CLCN7: variants seen among roughly 807,000 people sequenced by gnomAD.
CLCN7 encodes the protein H(+)/Cl(-) exchange transporter 7.
Under a neutral mutation model 102.1 loss-of-function variants are expected in CLCN7, and 60 were observed. The ratio of observed to expected loss-of-function variants is 0.59; its 90% CI spans 0.48 to 0.73. The LOEUF is 0.73. Among genes scored for constraint, CLCN7 ranks in the 30% least tolerant of loss-of-function variants. The pLI, the probability that CLCN7 is intolerant of heterozygous loss-of-function variation, is 0.00. For synonymous variants in CLCN7, 560 were observed against 490.5 expected, an observed-to-expected ratio of 1.14 and a Z score of -1.87; for missense variants, 962 against 1,125.7, an observed-to-expected ratio of 0.85 and a Z score of 2.08.
Position 1,465,307 on chromosome 16 carries a change from T to C in CLCN7, c.173A>G (p.His58Arg), listed in dbSNP as rs538485246. The C allele has an allele frequency of 5.0e-6, 8 of 1,613,924 alleles. No homozygotes were observed. Among genetic ancestry groups the C allele is most frequent in the South Asian group, 2.2e-5 (2 of 91,018 alleles). The change falls in exon 2 of 25, where the codon CAT (histidine) becomes CGT (arginine). Residue 58 changes from histidine to arginine, a missense_variant. Coordinates refer to ENST00000382745, the MANE Select transcript of CLCN7 (RefSeq NM_001287.6). ...SPRSALFRVG[H>R]MSSVELDDEL... Reference sequence around the variant, plus strand: ...ATCATCCAGCTCCACGCTGCTCATATGTCCGACTCGGAAAAGCGCAGAACG... The same window carrying C: ...ATCATCCAGCTCCACGCTGCTCATACGTCCGACTCGGAAAAGCGCAGAACG...
At chr16:1,472,292 G>A (rs2039089161) in intron 1 of CLCN7, among the ~76,000 whole-genome samples, 1 of 152,192 alleles carries the variant, frequency 6.6e-6, no homozygotes, top group Non-Finnish European at 1.5e-5. Context: ...AGGCAATGGC[G>A]TGATCTCGGC....
chr16:1,447,462 G>A lies in CLCN7; in HGVS notation c.2180C>T (p.Ser727Phe), dbSNP rs2038667529. ...CATGGTGCACTCCCGCTCGTCCTGG[G>A]ACACGTGGATGGACTGGATGGGTGG... is the stretch of plus-strand genomic sequence containing the variant. ...RFPPIQSIHVSQDERECTMDL... is the reference protein window; with the variant it reads ...RFPPIQSIHVFQDERECTMDL... Residue 727 changes from serine to phenylalanine, a missense_variant, in exon 23 of 25, where the codon TCC becomes TTC. Transcript: ENST00000382745. 6.4e-7 allele frequency: 1 copy of A among 1,552,914 alleles called. No homozygotes were observed.
At chr16:1,450,186 A>G (rs866244288) in intron 17 of CLCN7, 15 of 436,330 alleles carry the variant, frequency 3.4e-5, no homozygotes, top group African/African-American at 2.4e-4. Context: ...TGGAGTCTAG[A>G]AACAGCTCTG....
At chr16:1,451,832 C>G (rs1041402184) in intron 15 of CLCN7, 116 bp from the exon 16 acceptor site, 18 of 784,006 alleles carry the variant, frequency 2.3e-5, no homozygotes, top group Non-Finnish European at 3.9e-5. Flanking sequence ...GCATCAGGCG[C>G]GAAACCACAC....
intron 2 of CLCN7, 94 bp from the exon 3 acceptor site, chr16:1,461,768 G>T: frequency 9.9e-7 from 1 of 1,014,704 alleles, no homozygotes; most frequent in African/African-American, 1.6e-5. Flanking sequence ...TTATCATCCC[G>T]ACACCAAGGA....
chr16:1,451,924 G>A (rs2038758055), intron 15 of CLCN7: 2 of 593,998 alleles, frequency 3.4e-6, no homozygotes, highest in Admixed American at 2.3e-5. Context: ...GGAGGGAAAG[G>A]AGGACACACA....
intron 3 of CLCN7, 25 bp downstream of exon 3, chr16:1,461,578 G>A: frequency 6.2e-7 from 1 of 1,612,628 alleles, no homozygotes; most frequent in Non-Finnish European, 8.5e-7. Context: ...GGGTCTCAGG[G>A]TCAGGGGGAC....
chr16:1,448,842 C>A, intron 19 of CLCN7, 76 bp from the exon 20 acceptor site: 1 of 1,595,876 alleles, frequency 6.3e-7, no homozygotes, highest in Non-Finnish European at 8.5e-7. Context: ...CCCTGGGAGC[C>A]CAGAGGCCGC....
At chr16:1,461,785 C>T in intron 2 of CLCN7, 111 bp from the exon 3 acceptor site, 2 of 938,520 alleles carry the variant, frequency 2.1e-6, no homozygotes, top group Non-Finnish European at 1.7e-6. Flanking sequence ...AGGACAAGGA[C>T]ACAGCAAGAG....
intron 1 of CLCN7, among the ~76,000 whole-genome samples, chr16:1,473,368 A>G (rs1368582133): frequency 1.6e-5 from 2 of 128,172 alleles, no homozygotes; most frequent in Non-Finnish European, 3.2e-5. Context: ...GTCCTTCCTA[A>G]ACTTTTTTTT....
intron 2 of CLCN7, among the ~76,000 whole-genome samples, chr16:1,463,814 A>AC (rs2038970377): frequency 6.6e-6 from 1 of 151,106 alleles, no homozygotes; most frequent in African/African-American, 2.4e-5. Flanking sequence ...TCACTCTGTC[A>AC]CCCAGGCTGA....
chr16:1,452,725 GC>G (rs1567267241), intron 15 of CLCN7, 29 bp downstream of exon 15: 2 of 1,567,070 alleles, frequency 1.3e-6, no homozygotes, highest in African/African-American at 2.7e-5. Context: ...TGCCCTGCCT[GC>G]TGGACCCCGC....
intron 2 of CLCN7, among the ~76,000 whole-genome samples, chr16:1,462,533 G>A (rs910848916): frequency 5.9e-5 from 9 of 151,302 alleles, no homozygotes; most frequent in African/African-American, 1.7e-4. Context: ...GCACCACCAC[G>A]CCTGGCTAAT....
intron 7 of CLCN7, 101 bp downstream of exon 7, chr16:1,459,006 G>A (rs950656415): frequency 1.0e-6 from 1 of 967,358 alleles, no homozygotes; most frequent in Non-Finnish European, 1.6e-6. Context: ...TACACAGGGT[G>A]GCTGAGGCCA....
chr16:1,448,494 G>A lies in CLCN7; in HGVS notation c.1884-10C>T, dbSNP rs753459440. 5.6e-6 allele frequency: 9 copies of A among 1,607,846 alleles called. No homozygotes were observed. The East Asian group carries it at 6.7e-5, about 12-fold the overall frequency. Reference sequence around the variant, plus strand: ...TGTGCTCATCACCTCCCTGCCGGAGGAGCCCGGCCACACATGCCCGTCACA... The same window carrying A: ...TGTGCTCATCACCTCCCTGCCGGAGAAGCCCGGCCACACATGCCCGTCACA... On this transcript the variant is annotated splice_polypyrimidine_tract_variant and intron_variant, in intron 20 of 24. Transcript: ENST00000382745.
intron 20 of CLCN7, 84 bp downstream of exon 20, chr16:1,448,597 A>G: frequency 6.2e-7 from 1 of 1,600,998 alleles, no homozygotes; most frequent in Non-Finnish European, 8.5e-7. Flanking sequence ...GGCTGCCTGG[A>G]GCCCGCAAGC....
intron 5 of CLCN7, 73 bp from the exon 6 acceptor site, chr16:1,460,600 A>G (rs2038919827): frequency 7.3e-7 from 1 of 1,374,224 alleles, no homozygotes; most frequent in Non-Finnish European, 1.0e-6. Flanking sequence ...CCTGCCCCAC[A>G]GACCAGCCTG....
chr16:1,474,201 C>G (rs1247479039), intron 1 of CLCN7: 5 of 456,028 alleles, frequency 1.1e-5, no homozygotes, highest in Non-Finnish European at 2.2e-5. Context: ...GGAACGCATT[C>G]CAACCTCTGA....
chr16:1,450,918 G>A (rs997482693), intron 16 of CLCN7, among the ~76,000 whole-genome samples: 4 of 152,188 alleles, frequency 2.6e-5, no homozygotes, highest in Non-Finnish European at 4.4e-5. Context: ...AGCAGGAGCC[G>A]CGTCCAGCGG....
Sources: allele counts gnomAD v4.1 joint callset (sites outside exome capture counted in the v4.1 genomes callset), GRCh38; gene constraint gnomAD v4.1.1; transcripts MANE v1.5; gene names NCBI Gene and HGNC (gene_info 2026-07-23, HGNC 2026-07-21).